EDIL3: variants seen among roughly 807,000 people sequenced by gnomAD.
The protein encoded by EDIL3 is EGF-like repeat and discoidin I-like domain-containing protein 3.
A neutral mutation model predicts 67.4 loss-of-function variants in EDIL3; 37 were observed. That is an observed-to-expected ratio of 0.55 (90% CI 0.42 to 0.72). The LOEUF is 0.72. Ranked by LOEUF, EDIL3 falls within the 30% of genes least tolerant of loss-of-function variation. The pLI is 0.00. For missense variants in EDIL3, 527 were observed against 586.3 expected, an observed-to-expected ratio of 0.90 and a Z score of 1.04; for synonymous variants, 195 against 196.3, an observed-to-expected ratio of 0.99 and a Z score of 0.05.
At chr5:84,157,533 T>C (rs1224168515) in intron 4 of EDIL3, among the ~76,000 whole-genome samples, 1 of 152,086 alleles carries the variant, frequency 6.6e-6, no homozygotes, top group Non-Finnish European at 1.5e-5. Flanking sequence ...AATGTATACA[T>C]AGTTTCTGAC....
intron 1 of EDIL3, among the ~76,000 whole-genome samples, chr5:84,296,570 A>G (rs1309915730): frequency 2.0e-5 from 3 of 152,214 alleles, no homozygotes; most frequent in Non-Finnish European, 4.4e-5. Context: ...TGCTACCTAA[A>G]TTTAAAACAG....
intron 9 of EDIL3, among the ~76,000 whole-genome samples, chr5:84,010,468 A>C (rs192594386): frequency 6.6e-6 from 1 of 152,074 alleles, no homozygotes; most frequent in African/African-American, 2.4e-5. Flanking sequence ...TTCTCTTCCA[A>C]AATTATTATT....
intron 1 of EDIL3, among the ~76,000 whole-genome samples, chr5:84,352,009 C>A (rs535079050): frequency 6.6e-6 from 1 of 152,004 alleles, no homozygotes; most frequent in South Asian, 2.1e-4. Context: ...AGAAAACATA[C>A]TAACAGGTAA....
At chr5:84,228,132 T>A (rs1472513271) in intron 3 of EDIL3, among the ~76,000 whole-genome samples, 2 of 152,018 alleles carry the variant, frequency 1.3e-5, no homozygotes, top group African/African-American at 4.8e-5. Flanking sequence ...CAATAGCCCA[T>A]GTAGCTAGTG....
chr5:84,032,172 C>T (rs1439171792), intron 9 of EDIL3, among the ~76,000 whole-genome samples: 2 of 152,190 alleles, frequency 1.3e-5, no homozygotes, highest in Non-Finnish European at 2.9e-5. Context: ...TTAACATTCT[C>T]TTCCATATTG....
chr5:84,212,015 C>T (rs746135591), intron 3 of EDIL3, among the ~76,000 whole-genome samples: 2 of 152,202 alleles, frequency 1.3e-5, no homozygotes, highest in Non-Finnish European at 2.9e-5. Flanking sequence ...GTTTTGATTG[C>T]GTTCTCTCTC....
At position 84,217,817 on chromosome 5, in the gene EDIL3, T is replaced by G. The variant is rs138896629; in HGVS notation, c.226+12038A>C. ...CTGTAGAACCCTGAGAGATAAACTC[T>G]CCTTTTCTTTTTAAATCAGTTTCCA... is the stretch of plus-strand genomic sequence containing the variant. On this transcript the variant is annotated intron_variant, in intron 3 of 10. Transcript: ENST00000296591. Among the ~76,000 whole-genome samples, 785 of 151,464 alleles carry G rather than the reference T, an allele frequency of 5.2e-3. 3 individuals carry two copies. The highest frequency in any genetic ancestry group is 0.018 in the African/African-American group (753 of 41,276).
At chr5:84,323,827 A>G (rs909647390) in intron 1 of EDIL3, among the ~76,000 whole-genome samples, 1 of 151,944 alleles carries the variant, frequency 6.6e-6, no homozygotes, top group Non-Finnish European at 1.5e-5. Flanking sequence ...CCAAAAGTAC[A>G]TTAGATATCA....
At chr5:84,325,474 A>AC (rs892902914) in intron 1 of EDIL3, among the ~76,000 whole-genome samples, 2 of 151,604 alleles carry the variant, frequency 1.3e-5, no homozygotes, top group Non-Finnish European at 3.0e-5. Flanking sequence ...AATAAAAAAA[A>AC]CAGAAAATAA....
At chr5:84,003,095 T>C (rs974739231) in intron 9 of EDIL3, among the ~76,000 whole-genome samples, 1 of 152,130 alleles carries the variant, frequency 6.6e-6, no homozygotes, top group Middle Eastern at 3.2e-3. Context: ...AGCCCAAATG[T>C]TTTATTTGCA....
intron 3 of EDIL3, among the ~76,000 whole-genome samples, chr5:84,198,565 A>G (rs1166788294): frequency 6.6e-6 from 1 of 152,122 alleles, no homozygotes; most frequent in Non-Finnish European, 1.5e-5. Flanking sequence ...AGAATTAGCA[A>G]TGAAGTAAAA....
At chr5:84,151,805 T>TTGATGTGTA (rs1748399181) in intron 4 of EDIL3, among the ~76,000 whole-genome samples, 1 of 152,172 alleles carries the variant, frequency 6.6e-6, no homozygotes, top group South Asian at 2.1e-4. Context: ...ATGAAGTACA[T>TTGATGTGTA]TGATGTGTAT....
At chr5:83,974,495 T>G (rs1744847051) in intron 9 of EDIL3, among the ~76,000 whole-genome samples, 1 of 151,988 alleles carries the variant, frequency 6.6e-6, no homozygotes, top group African/African-American at 2.4e-5. Context: ...AAAAATTTTT[T>G]TGTTCAAAGA....
At chr5:84,309,741 C>A (rs533805070) in intron 1 of EDIL3, among the ~76,000 whole-genome samples, 1 of 152,204 alleles carries the variant, frequency 6.6e-6, no homozygotes, top group South Asian at 2.1e-4. Flanking sequence ...TCCAGTCGAT[C>A]ATTGTTGGAC....
chr5:84,227,314 CAACAAGCATGTGAAA>C (rs1373304611), intron 3 of EDIL3, among the ~76,000 whole-genome samples: 4 of 151,818 alleles, frequency 2.6e-5, no homozygotes, highest in Non-Finnish European at 5.9e-5. Flanking sequence ...TACAAGAAGC[CAACAAGCATGTGAAA>C]AAAATGCTCA....
At chr5:83,965,987 G>C (rs188116652) in intron 9 of EDIL3, among the ~76,000 whole-genome samples, 1 of 152,158 alleles carries the variant, frequency 6.6e-6, no homozygotes, top group East Asian at 1.9e-4. Context: ...AACTCACCCT[G>C]AGAGGCACTC....
intron 9 of EDIL3, among the ~76,000 whole-genome samples, chr5:83,977,253 A>G (rs981796424): frequency 1.3e-5 from 2 of 152,012 alleles, no homozygotes; most frequent in African/African-American, 4.8e-5. Flanking sequence ...GATTACCATT[A>G]GAAGATTTTT....
intron 9 of EDIL3, among the ~76,000 whole-genome samples, chr5:84,013,297 A>T (rs2112182829): frequency 6.6e-6 from 1 of 152,216 alleles, no homozygotes; most frequent in South Asian, 2.1e-4. Context: ...ACAATAAGAA[A>T]CATTGTTCCT....
At chr5:84,031,231 TG>T (rs777380571) in intron 9 of EDIL3, among the ~76,000 whole-genome samples, 4 of 152,190 alleles carry the variant, frequency 2.6e-5, no homozygotes, top group Admixed American at 1.3e-4. Context: ...ATATAAATTT[TG>T]GGGCGACACA....
Sources: allele counts gnomAD v4.1 joint callset (sites outside exome capture counted in the v4.1 genomes callset), GRCh38; gene constraint gnomAD v4.1.1; transcripts MANE v1.5; gene names NCBI Gene and HGNC (gene_info 2026-07-23, HGNC 2026-07-21).